Variants in LINGO2 observed in about 807,000 individuals in gnomAD.
The protein encoded by LINGO2 is leucine rich repeat and Ig domain containing 2, also known as leucine-rich repeat and immunoglobulin-like domain-containing nogo receptor-interacting protein 2.
LINGO2 carries 14 observed loss-of-function variants against 30.6 expected under a neutral mutation model. The ratio of observed to expected loss-of-function variants is 0.46; its 90% CI spans 0.30 to 0.72. The LOEUF (loss-of-function observed/expected upper bound fraction) is 0.72, where lower values mean the gene tolerates loss of function less well. Ranked by LOEUF, LINGO2 falls within the 30% of genes least tolerant of loss-of-function variation. The pLI is 0.07. For missense variants in LINGO2, 729 were observed against 751.7 expected, an observed-to-expected ratio of 0.97 and a Z score of 0.35; for synonymous variants, 317 against 288.5, an observed-to-expected ratio of 1.10 and a Z score of -1.00.
At chr9:28,827,145 A>T in the LINGO2 span, among the ~76,000 whole-genome samples, 2 of 152,216 alleles carry the variant, frequency 1.3e-5, no homozygotes, top group African/African-American at 4.8e-5. Context: ...TGAAAGATAT[A>T]AAATTAGCTA....
chr9:27,987,812 T>C (rs568672770), intron 5 of LINGO2, among the ~76,000 whole-genome samples: 1 of 151,946 alleles, frequency 6.6e-6, no homozygotes, highest in Non-Finnish European at 1.5e-5. Context: ...AATATATATA[T>C]ACACACACAC....
At chr9:27,980,203 A>T (rs998470650) in intron 5 of LINGO2, among the ~76,000 whole-genome samples, 3 of 151,978 alleles carry the variant, frequency 2.0e-5, no homozygotes, top group African/African-American at 7.2e-5. Flanking sequence ...TCTTAAACAC[A>T]GTTCAAGAAA....
intron 4 of LINGO2, among the ~76,000 whole-genome samples, chr9:28,241,708 T>C (rs1426471447): frequency 1.3e-5 from 2 of 152,166 alleles, no homozygotes; most frequent in African/African-American, 2.4e-5. Flanking sequence ...ACATCTTATA[T>C]AGAAGTGTTC....
At chr9:28,773,603 T>C in the LINGO2 span, among the ~76,000 whole-genome samples, 1 of 152,144 alleles carries the variant, frequency 6.6e-6, no homozygotes, top group Non-Finnish European at 1.5e-5. Flanking sequence ...CCTGCATCTC[T>C]AAGCTTTTAG....
At chr9:28,507,814 A>G (rs887463523) in intron 1 of LINGO2, among the ~76,000 whole-genome samples, 1 of 152,092 alleles carries the variant, frequency 6.6e-6, no homozygotes, top group Non-Finnish European at 1.5e-5. Flanking sequence ...TGAGTTTCTC[A>G]TATGTTATAA....
the LINGO2 span, among the ~76,000 whole-genome samples, chr9:28,947,948 T>C: frequency 6.6e-6 from 1 of 151,960 alleles, no homozygotes; most frequent in Non-Finnish European, 1.5e-5. Flanking sequence ...CTTGGGAACA[T>C]GGAAAATAAA....
At chr9:27,953,862 TGAAC>T (rs1819435544) in intron 5 of LINGO2, among the ~76,000 whole-genome samples, 6 of 152,198 alleles carry the variant, frequency 3.9e-5, no homozygotes, top group Non-Finnish European at 8.8e-5. Flanking sequence ...CACATTTGTA[TGAAC>T]ATATTTTATA....
At chr9:28,168,245 T>G (rs956051316) in intron 4 of LINGO2, among the ~76,000 whole-genome samples, 1 of 152,194 alleles carries the variant, frequency 6.6e-6, no homozygotes, top group Non-Finnish European at 1.5e-5. Context: ...CCAATACAGT[T>G]TTTGATTAAG....
At chr9:28,985,555 T>A in the LINGO2 span, among the ~76,000 whole-genome samples, 1 of 152,102 alleles carries the variant, frequency 6.6e-6, no homozygotes, top group Admixed American at 6.6e-5. Flanking sequence ...ATAACAGCCA[T>A]TCCCACAGGT....
At chr9:28,406,707 T>C (rs1287166854) in intron 2 of LINGO2, among the ~76,000 whole-genome samples, 3 of 152,188 alleles carry the variant, frequency 2.0e-5, no homozygotes, top group African/African-American at 7.2e-5. Context: ...TGCAGCATTC[T>C]CCAACCAAAT....
At chr9:28,122,469 G>C (rs1563987439) in intron 4 of LINGO2, among the ~76,000 whole-genome samples, 1 of 152,116 alleles carries the variant, frequency 6.6e-6, no homozygotes, top group Non-Finnish European at 1.5e-5. Flanking sequence ...TTATTGTTTT[G>C]TCTATAAGAA....
intron 4 of LINGO2, among the ~76,000 whole-genome samples, chr9:28,243,571 G>T (rs2133982361): frequency 6.6e-6 from 1 of 151,836 alleles, no homozygotes. Context: ...GATACCATAG[G>T]CTCAAAATAA....
chr9:28,246,516 T>A (rs1822005774), intron 4 of LINGO2, among the ~76,000 whole-genome samples: 1 of 152,094 alleles, frequency 6.6e-6, no homozygotes, highest in Non-Finnish European at 1.5e-5. Flanking sequence ...TATTCCCTAT[T>A]TAATAATAGG....
At chr9:28,062,502 A>ATG (rs1554667941) in intron 4 of LINGO2, among the ~76,000 whole-genome samples, 11 of 142,602 alleles carry the variant, frequency 7.7e-5, no homozygotes, top group Non-Finnish European at 1.5e-4. Context: ...TATACTATAC[A>ATG]TGTATATATA....
intron 1 of LINGO2, among the ~76,000 whole-genome samples, chr9:28,493,872 C>G (rs1819475784): frequency 6.6e-6 from 1 of 152,158 alleles, no homozygotes; most frequent in Admixed American, 6.5e-5. Flanking sequence ...TTCTCCAGTG[C>G]TGGAAGCTTC....
intron 4 of LINGO2, among the ~76,000 whole-genome samples, chr9:28,111,615 C>T (rs1024281267): frequency 6.6e-6 from 1 of 151,930 alleles, no homozygotes; most frequent in African/African-American, 2.4e-5. Context: ...ATTCCTTCAA[C>T]AAAAATGTGC....
At chr9:28,826,029 G>A in the LINGO2 span, among the ~76,000 whole-genome samples, 1 of 152,164 alleles carries the variant, frequency 6.6e-6, no homozygotes. Flanking sequence ...CTACAGGGCT[G>A]AATGATAATT....
chr9:28,838,970 C>A, the LINGO2 span, among the ~76,000 whole-genome samples: 2 of 152,204 alleles, frequency 1.3e-5, no homozygotes, highest in Admixed American at 6.5e-5. Context: ...CAGCTCCCTG[C>A]AAGGCTGCAG....
At chr9:28,268,939 A>G (rs1274228069) in intron 4 of LINGO2, among the ~76,000 whole-genome samples, 1 of 152,024 alleles carries the variant, frequency 6.6e-6, no homozygotes, top group Non-Finnish European at 1.5e-5. Context: ...TGGCCTTTCT[A>G]ATCTCATCTA....
Sources: gnomAD v4.1 joint callset for allele counts (sites outside exome capture counted in the v4.1 genomes callset) on GRCh38, gnomAD v4.1.1 for gene constraint, MANE v1.5 for transcripts, NCBI Gene and HGNC (gene_info 2026-07-23, HGNC 2026-07-21) for gene names.